The following MRPS25 variants were observed in gnomAD, a reference collection of about 807,000 sequenced individuals.
MRPS25 encodes small ribosomal subunit protein mS25.
MRPS25 carries 15 observed loss-of-function variants against 17.3 expected under a neutral mutation model. That is an observed-to-expected ratio of 0.87 (90% CI 0.58 to 1.34). The LOEUF (loss-of-function observed/expected upper bound fraction) is 1.34. MRPS25 is among the 40% of genes most tolerant of loss of function. The probability of loss-of-function intolerance (pLI) is 0.00; values close to 1 mark genes in which losing one functional copy is unlikely to be tolerated. For synonymous variants in MRPS25, 94 were observed against 83.3 expected (o/e 1.13, Z -0.70); for missense variants, 225 against 218.6 (o/e 1.03, Z -0.19).
At chr3:15,059,620 C>A (rs934022818) in intron 1 of MRPS25, 145 bp from the exon 2 acceptor site, 1 of 639,000 alleles carries the variant, frequency 1.6e-6, no homozygotes, top group African/African-American at 1.8e-5. Context: ...CGCAGGGATC[C>A]TCTTAGAAGA....
rs2042602433 is a variant in MRPS25, at chr3:15,051,338, C to G, written c.*1103G>C. ...AGCTGGGACTACAGACGCGAAACAC[C>G]ACACCCATCTAATTTTTGTACTTTT... On this transcript the variant is annotated 3_prime_UTR_variant, in exon 4 of 4. Transcript: ENST00000253686. 3.9e-6 allele frequency: 2 copies of G among 518,472 alleles called. No individual in the cohort carries two copies. The highest frequency in any genetic ancestry group is 1.7e-4 in the South Asian group (2 of 12,036). 32.1% of individuals were successfully genotyped at this position (518,472 alleles called of 1,614,324 possible). A position where few individuals can be genotyped will look rare whatever the true frequency, so the allele number is the denominator to read the frequency against.
intron 2 of MRPS25, chr3:15,053,735 G>T (rs1412217323): frequency 4.2e-6 from 2 of 478,338 alleles, no homozygotes; most frequent in African/African-American, 3.9e-5. Context: ...ATATTCTTAA[G>T]ACGGCAATTC....
intron 1 of MRPS25, among the ~76,000 whole-genome samples, chr3:15,059,851 T>C (rs2042726034): frequency 6.6e-6 from 1 of 152,132 alleles, no homozygotes; most frequent in South Asian, 2.1e-4. Flanking sequence ...ATCTAGGTTA[T>C]ACCACAATTT....
downstream of MRPS25, chr3:15,042,849 C>T (rs767718660): frequency 2.1e-5 from 34 of 1,613,878 alleles, 1 homozygote; most frequent in East Asian, 2.7e-4. Flanking sequence ...CCCGGATCCT[C>T]GTTCGCCTGC....
chr3:15,055,901 GT>G (rs35247740), intron 2 of MRPS25, among the ~76,000 whole-genome samples: 55,704 of 142,428 alleles, frequency 0.39, 11,473 homozygotes, highest in African/African-American at 0.56. Context: ...AAAGCAGCCC[GT>G]TTTTTTTTTT....
chr3:15,042,827 T>TTATA (rs1232271091), downstream of MRPS25: 1 of 1,613,074 alleles, frequency 6.2e-7, no homozygotes, highest in Non-Finnish European at 8.5e-7. Context: ...GACACTCCCT[T>TTATA]TTATAGATTG....
chr3:15,052,323 A>G lies in MRPS25; in HGVS notation c.*118T>C. 6.7e-7 allele frequency: 1 copy of G among 1,490,700 alleles called. No homozygotes were observed. The highest frequency in any genetic ancestry group is 8.9e-7 in the Non-Finnish European group (1 of 1,122,248). 92.3% of individuals were successfully genotyped at this position (1,490,700 alleles called of 1,614,324 possible). On this transcript the variant is annotated 3_prime_UTR_variant, in exon 4 of 4. Transcript: ENST00000253686. Reference sequence around the variant, plus strand: ...CAGGTGTGTAAAGTCCTTTTAATGCAAAAGGATTTCCAGAGTCTCCAGGGA... The same window carrying G: ...CAGGTGTGTAAAGTCCTTTTAATGCGAAAGGATTTCCAGAGTCTCCAGGGA...
At chr3:15,053,148 G>A (rs1303430160) in intron 3 of MRPS25, 2 of 932,026 alleles carry the variant, frequency 2.1e-6, no homozygotes, top group Admixed American at 6.1e-5. Context: ...GCAAGAGGGA[G>A]AGAGGTACTT....
chr3:15,053,607 A>G (rs1345767545), intron 2 of MRPS25, 140 bp from the exon 3 acceptor site: 1 of 926,066 alleles, frequency 1.1e-6, no homozygotes, highest in Non-Finnish European at 1.7e-6. Flanking sequence ...ATAATCTGTA[A>G]TACTACCCTT....
In MRPS25 at chr3:15,050,463, T is replaced by TTA; in HGVS notation, c.*1977_*1978insTA. Reference sequence around the variant, plus strand: ...GAAGGAATACTCTCATAAGGCTTTGTGTGTCACTAGCTATGGAGACCTACA... The same window carrying TTA: ...GAAGGAATACTCTCATAAGGCTTTGTTAGTGTCACTAGCTATGGAGACCTACA... On this transcript the variant is annotated 3_prime_UTR_variant, in exon 4 of 4. Coordinates refer to ENST00000253686, the MANE Select transcript of MRPS25 (RefSeq NM_022497.5). 2 of 988,596 alleles carry TTA rather than the reference T, an allele frequency of 2.0e-6. No individual in the cohort carries two copies. Among genetic ancestry groups the TTA allele is most frequent in the South Asian group, 4.6e-5 (1 of 21,576 alleles). The allele number at this position is 988,596 out of a possible 1,614,324, so 61.2% of individuals were successfully genotyped here.
At chr3:15,054,322 GAAGA>G (rs1316937126) in intron 2 of MRPS25, among the ~76,000 whole-genome samples, 1 of 152,206 alleles carries the variant, frequency 6.6e-6, no homozygotes, top group Non-Finnish European at 1.5e-5. Flanking sequence ...ATAATTCAAT[GAAGA>G]AAGATAATCG....
In MRPS25 at chr3:15,049,712, C is replaced by A; in HGVS notation, c.*2729G>T. The A allele has an allele frequency of 1.7e-6, 1 of 578,826 alleles. No homozygotes were observed. Among genetic ancestry groups the A allele is most frequent in the South Asian group, 2.2e-5 (1 of 45,508 alleles). 35.9% of individuals were successfully genotyped at this position (578,826 alleles called of 1,614,324 possible). ...ATATTCATTATGTCATCTGACCTCT[C>A]ATGTTCCAGGTGAAAATTCTGAGGT... is the stretch of plus-strand genomic sequence containing the variant. On this transcript the variant is annotated 3_prime_UTR_variant, in exon 4 of 4. Transcript: ENST00000253686.
rs528758551 is a variant in MRPS25, at chr3:15,050,898, C to T, written c.*1543G>A. ...ATCTCCAACAGTTAATGAAACACATCGTAGTATGACATCATTTCACCAGCC... is the reference window on the plus strand; with the variant it reads ...ATCTCCAACAGTTAATGAAACACATTGTAGTATGACATCATTTCACCAGCC... On this transcript the variant is annotated 3_prime_UTR_variant, in exon 4 of 4. Coordinates refer to ENST00000253686, the MANE Select transcript of MRPS25 (RefSeq NM_022497.5). 19 of 985,366 alleles carry T rather than the reference C, an allele frequency of 1.9e-5. No individual in the cohort carries two copies. The highest frequency in any genetic ancestry group is 1.7e-4 in the African/African-American group (10 of 57,324). 61.0% of individuals were successfully genotyped at this position (985,366 alleles called of 1,614,324 possible).
rs1437695745 is a variant in MRPS25, at chr3:15,049,379, T to C, written c.*3062A>G. 2 of 155,882 alleles carry C rather than the reference T, an allele frequency of 1.3e-5. No individual in the cohort carries two copies. The highest frequency in any genetic ancestry group is 2.8e-5 in the Non-Finnish European group (2 of 70,834). The allele number at this position is 155,882 out of a possible 1,614,324, so 9.7% of individuals were successfully genotyped here. A position where few individuals can be genotyped will look rare whatever the true frequency, so the allele number is the denominator to read the frequency against. On this transcript the variant is annotated 3_prime_UTR_variant, in exon 4 of 4. Transcript: ENST00000253686. ...GACATGAAGCATCCTGGTGGTCCTG[T>C]CTCTACAGCTCTCTGGCTCCTACCT... is the stretch of plus-strand genomic sequence containing the variant.
chr3:15,053,493 A>G (rs1559327149), intron 2 of MRPS25, 26 bp from the exon 3 acceptor site: 1 of 1,614,170 alleles, frequency 6.2e-7, no homozygotes. Flanking sequence ...ACGGGGCAGA[A>G]GAGAAACAGA....
chr3:15,044,771 G>A (rs1426033451), downstream of MRPS25: 2 of 152,272 alleles, frequency 1.3e-5, no homozygotes, highest in Non-Finnish European at 1.5e-5. Context: ...AGACGCCCCT[G>A]TGGTGCCACA....
chr3:15,058,402 G>A (rs1575069948), intron 2 of MRPS25, among the ~76,000 whole-genome samples: 1 of 151,904 alleles, frequency 6.6e-6, no homozygotes, highest in Non-Finnish European at 1.5e-5. Context: ...TGTTAGCCAG[G>A]ATGGACTCGA....
At chr3:15,053,552 T>C in intron 2 of MRPS25, 85 bp from the exon 3 acceptor site, 1 of 1,425,220 alleles carries the variant, frequency 7.0e-7, no homozygotes, top group Non-Finnish European at 9.9e-7. Flanking sequence ...GACTTGCTTT[T>C]AGTGGCAGAA....
intron 2 of MRPS25, among the ~76,000 whole-genome samples, chr3:15,055,275 G>A (rs942159365): frequency 6.6e-6 from 1 of 152,124 alleles, no homozygotes; most frequent in African/African-American, 2.4e-5. Flanking sequence ...AATTATAACT[G>A]AACATGAGAT....
Sources: allele counts gnomAD v4.1 joint callset (sites outside exome capture counted in the v4.1 genomes callset), GRCh38; gene constraint gnomAD v4.1.1; transcripts MANE v1.5; gene names NCBI Gene and HGNC (gene_info 2026-07-23, HGNC 2026-07-21).